The following BBX variants were observed in gnomAD, a reference collection of about 807,000 sequenced individuals.
BBX encodes the protein HMG box transcription factor BBX.
In BBX, 30 loss-of-function variants were observed where a neutral mutation model predicts 100.2. That is an observed-to-expected ratio of 0.30 (90% confidence interval 0.22 to 0.41). BBX has a LOEUF of 0.41. Among genes scored for constraint, BBX ranks in the 10% least tolerant of loss-of-function variants. BBX has a pLI of 1.00. For missense variants in BBX, 1,023 were observed against 1,129.8 expected, an observed-to-expected ratio of 0.91 and a Z score of 1.35; for synonymous variants, 376 against 388.1, an observed-to-expected ratio of 0.97 and a Z score of 0.37.
intron 3 of BBX, among the ~76,000 whole-genome samples, chr3:107,687,967 A>T (rs556942596): frequency 1.3e-5 from 2 of 152,302 alleles, no homozygotes; most frequent in African/African-American, 4.8e-5. Flanking sequence ...AGGCAGGAGA[A>T]TCACTTGAAC....
At chr3:107,756,111 AT>A (rs2065453678) in intron 10 of BBX, among the ~76,000 whole-genome samples, 1 of 152,052 alleles carries the variant, frequency 6.6e-6, no homozygotes, top group Admixed American at 6.5e-5. Context: ...CTAAAATCTG[AT>A]TTTATAAGAT....
At chr3:107,715,496 T>C (rs2062040481) in intron 4 of BBX, among the ~76,000 whole-genome samples, 1 of 152,210 alleles carries the variant, frequency 6.6e-6, no homozygotes, top group African/African-American at 2.4e-5. Flanking sequence ...AATTTGTCCT[T>C]CTTGATTTTA....
Position 107,543,309 on chromosome 3 carries a change from G to T in BBX, c.-84+16911G>T, listed in dbSNP as rs143423155. On this transcript the variant is annotated intron_variant, in intron 2 of 17. Transcript: ENST00000325805. The stretch of plus-strand genomic sequence containing the variant: ...GTGGAACTGAGATATAAGACTTCTG[G>T]TTTGGTGTTTTGCTGTAGAAATCTG... 8.6e-3 allele frequency among the ~76,000 whole-genome samples: 1,315 copies of T among 152,290 alleles called. 24 individuals are homozygous for T. The highest frequency in any genetic ancestry group is 0.03 in the African/African-American group (1,253 of 41,560).
chr3:107,537,833 G>A (rs1360113357), intron 2 of BBX, among the ~76,000 whole-genome samples: 1 of 152,140 alleles, frequency 6.6e-6, no homozygotes. Flanking sequence ...CTGAAATATT[G>A]TGCTCAGTGT....
intron 10 of BBX, among the ~76,000 whole-genome samples, chr3:107,756,163 C>T (rs1319475869): frequency 1.3e-5 from 2 of 152,034 alleles, no homozygotes; most frequent in Non-Finnish European, 2.9e-5. Context: ...TAAAATGCTA[C>T]TCTTCCATTG....
chr3:107,696,268 G>A (rs193176121), intron 3 of BBX, among the ~76,000 whole-genome samples: 151 of 151,918 alleles, frequency 9.9e-4, no homozygotes, highest in Middle Eastern at 3.4e-3. Flanking sequence ...TTGCTCGTTA[G>A]TTGATCGCAG....
chr3:107,633,473 A>G (rs952372021), intron 2 of BBX, among the ~76,000 whole-genome samples: 1 of 152,342 alleles, frequency 6.6e-6, no homozygotes, highest in East Asian at 1.9e-4. Context: ...TTATTACTGC[A>G]CTAGCATATT....
At position 107,591,183 on chromosome 3, in the gene BBX, G is replaced by A. The variant is rs148841347; in HGVS notation, c.-83-54653G>A. Among the ~76,000 whole-genome samples, 533 of 152,028 alleles carry A rather than the reference G, an allele frequency of 3.5e-3. 1 individual carries two copies. The highest frequency in any genetic ancestry group is 6.4e-3 in the Non-Finnish European group (432 of 67,986). ...TTTTCAAGGTTCATATCTCTTATTGGTGCTTTCAGTTCTAAAGAAGACCTT... is the reference window on the plus strand; with the variant it reads ...TTTTCAAGGTTCATATCTCTTATTGATGCTTTCAGTTCTAAAGAAGACCTT... On this transcript the variant is annotated intron_variant, in intron 2 of 17. Transcript: ENST00000325805.
chr3:107,798,852 A>C, intron 16 of BBX, 132 bp downstream of exon 16: 1 of 990,512 alleles, frequency 1.0e-6, no homozygotes, highest in Non-Finnish European at 1.5e-6. Context: ...AAAAAAAAAC[A>C]AAAACAAAAA....
intron 9 of BBX, among the ~76,000 whole-genome samples, chr3:107,751,343 T>C (rs1258834245): frequency 6.6e-6 from 1 of 152,188 alleles, no homozygotes; most frequent in African/African-American, 2.4e-5. Flanking sequence ...CATTTTAAGA[T>C]CAGGCGTGCA....
intron 5 of BBX, among the ~76,000 whole-genome samples, chr3:107,727,120 A>G (rs1047507696): frequency 1.3e-5 from 2 of 152,104 alleles, no homozygotes; most frequent in African/African-American, 4.8e-5. Context: ...AGATAATTTT[A>G]TTTCTCATGA....
chr3:107,756,019 A>T (rs17812499), intron 10 of BBX, among the ~76,000 whole-genome samples: 17,579 of 152,178 alleles, frequency 0.12, 1,366 homozygotes, highest in Non-Finnish European at 0.17. Flanking sequence ...CCGTCTATAA[A>T]TCTCCAGAAT....
chr3:107,578,560 C>T (rs980541951), intron 2 of BBX, among the ~76,000 whole-genome samples: 3 of 152,208 alleles, frequency 2.0e-5, no homozygotes, highest in African/African-American at 2.4e-5. Context: ...GTAGCATCTA[C>T]GCTTGCCTTC....
chr3:107,592,711 A>G (rs772844805), intron 2 of BBX, among the ~76,000 whole-genome samples: 55 of 152,294 alleles, frequency 3.6e-4, no homozygotes, highest in East Asian at 1.9e-4. Flanking sequence ...AATTTTTCAA[A>G]TAAGTATGTT....
At chr3:107,694,087 ATTTTGG>A (rs2060389987) in intron 3 of BBX, among the ~76,000 whole-genome samples, 2 of 131,878 alleles carry the variant, frequency 1.5e-5, no homozygotes, top group Non-Finnish European at 3.2e-5. Context: ...GCTTAAGGAG[ATTTTGG>A]GCTGAGACAA....
chr3:107,803,469 A>G (rs2070739246), intron 17 of BBX, among the ~76,000 whole-genome samples: 2 of 152,206 alleles, frequency 1.3e-5, no homozygotes, highest in African/African-American at 4.8e-5. Flanking sequence ...AGGGTGGCCC[A>G]TGGAGTTAGG....
chr3:107,788,208 C>G (rs1276613632), intron 13 of BBX, among the ~76,000 whole-genome samples: 1 of 152,024 alleles, frequency 6.6e-6, no homozygotes, highest in African/African-American at 2.4e-5. Flanking sequence ...GGGCCAAGCC[C>G]AGAGCTTTCC....
intron 5 of BBX, among the ~76,000 whole-genome samples, chr3:107,727,605 G>C (rs1034065077): frequency 2.0e-5 from 3 of 152,046 alleles, no homozygotes; most frequent in African/African-American, 7.2e-5. Flanking sequence ...TTTGAGTTAA[G>C]ATAATGTGAA....
intron 10 of BBX, among the ~76,000 whole-genome samples, chr3:107,769,215 T>TAGATAGATAGATAGAC (rs1379814861): frequency 7.4e-6 from 1 of 134,846 alleles, no homozygotes; most frequent in Non-Finnish European, 1.7e-5. Context: ...GATAGATAGA[T>TAGATAGATAGATAGAC]AGATAGATAG....
Sources: gnomAD v4.1 joint callset for allele counts (sites outside exome capture counted in the v4.1 genomes callset) on GRCh38, gnomAD v4.1.1 for gene constraint, MANE v1.5 for transcripts, NCBI Gene and HGNC (gene_info 2026-07-23, HGNC 2026-07-21) for gene names.